The following CYP19A1 variants were observed in gnomAD, a reference collection of about 807,000 sequenced individuals.
CYP19A1 encodes the protein aromatase.
A neutral mutation model predicts 44.4 loss-of-function variants in CYP19A1; 32 were observed. The ratio of observed to expected loss-of-function variants is 0.72; its 90% CI spans 0.54 to 0.97. The LOEUF (loss-of-function observed/expected upper bound fraction) is 0.97. Ranked by LOEUF, CYP19A1 falls within the 50% of genes least tolerant of loss-of-function variation. The probability of loss-of-function intolerance (pLI) is 0.00; values close to 1 mark genes in which losing one functional copy is unlikely to be tolerated. For synonymous variants in CYP19A1, 212 were observed against 215.6 expected (o/e 0.98, Z 0.14); for missense variants, 598 against 637.8 (o/e 0.94, Z 0.67).
chr15:51,228,884 A>C (rs1402973880), intron 3 of CYP19A1, among the ~76,000 whole-genome samples: 1 of 152,158 alleles, frequency 6.6e-6, no homozygotes, highest in Non-Finnish European at 1.5e-5. Context: ...CCCACTATGG[A>C]GGTTTTCAGA....
At chr15:51,254,563 C>A (rs2034445524) in intron 1 of CYP19A1, among the ~76,000 whole-genome samples, 1 of 151,874 alleles carries the variant, frequency 6.6e-6, no homozygotes, top group Non-Finnish European at 1.5e-5. Flanking sequence ...ATGGATCCAT[C>A]CTTCATATTT....
At chr15:51,317,725 G>A (rs1009543515) in intron 1 of CYP19A1, among the ~76,000 whole-genome samples, 2 of 152,184 alleles carry the variant, frequency 1.3e-5, no homozygotes, top group Non-Finnish European at 2.9e-5. Flanking sequence ...TTGAATGCCA[G>A]GCTAATGAGG....
rs1004385405 is a variant in CYP19A1, at chr15:51,286,035, C to G, written c.-38-43085G>C. ...TCTGCGTCTCCACATGCATACCCAC[C>G]AGTTCTCCAATAACCACCTAAAGGG... On this transcript the variant is annotated intron_variant, in intron 1 of 9. Coordinates refer to ENST00000396402, the MANE Select transcript of CYP19A1 (RefSeq NM_000103.4). Among the ~76,000 whole-genome samples the G allele has an allele frequency of 3.3e-5, 5 of 152,274 alleles. No individual in the cohort carries two copies. The East Asian group carries it at 9.6e-4, about 29-fold the overall frequency.
rs77578670 is a variant in CYP19A1 at position 51,330,260 on chromosome 15, C to T, written c.-39+8235G>A. Among the ~76,000 whole-genome samples, 2,302 of 152,084 alleles carry T rather than the reference C, an allele frequency of 0.015. 196 individuals carry two copies. The East Asian group carries it at 0.25, about 17-fold the overall frequency. On this transcript the variant is annotated intron_variant, in intron 1 of 9. Transcript: ENST00000396402. ...GAGTCTGGGCTCACAAACTAGCAGA[C>T]TGGGAGTAGAAGGTGCACTTGGAGA...
At chr15:51,243,086 T>A in intron 1 of CYP19A1, 136 bp from the exon 2 acceptor site, 1 of 674,678 alleles carries the variant, frequency 1.5e-6, no homozygotes, top group Non-Finnish European at 2.7e-6. Context: ...TAGGCAAGAC[T>A]AATTTATGGT....
chr15:51,272,431 C>G (rs773392604), intron 1 of CYP19A1, among the ~76,000 whole-genome samples: 1 of 152,144 alleles, frequency 6.6e-6, no homozygotes, highest in Non-Finnish European at 1.5e-5. Flanking sequence ...ATAAAATATA[C>G]ATTTTATAAA....
chr15:51,306,543 C>T (rs943746111), intron 1 of CYP19A1, among the ~76,000 whole-genome samples: 1 of 151,818 alleles, frequency 6.6e-6, no homozygotes, highest in Non-Finnish European at 1.5e-5. Flanking sequence ...TAAAAAAAAC[C>T]CTTTATCTCC....
intron 1 of CYP19A1, among the ~76,000 whole-genome samples, chr15:51,252,019 C>T (rs1187651306): frequency 1.3e-5 from 2 of 152,204 alleles, no homozygotes; most frequent in African/African-American, 4.8e-5. Flanking sequence ...CCTCCCCAGC[C>T]CTTCCCTGTG....
In CYP19A1 at chr15:51,242,936, G is replaced by A; in HGVS notation, c.-24C>T. The A allele has an allele frequency of 6.3e-7, 1 of 1,576,418 alleles. No individual in the cohort carries two copies. Among genetic ancestry groups the A allele is most frequent in the African/African-American group, 1.3e-5 (1 of 74,240 alleles). ...ATCTTGTGTTCCTTGACCTCAGAGG[G>A]GGCAATTTAGAGTCCTGTGGAAATC... On this transcript the variant is annotated 5_prime_UTR_variant, in exon 2 of 10. Transcript: ENST00000396402.
intron 2 of CYP19A1, among the ~76,000 whole-genome samples, chr15:51,241,240 G>A (rs1002965397): frequency 6.6e-5 from 10 of 152,210 alleles, no homozygotes; most frequent in African/African-American, 2.4e-5. Flanking sequence ...AGGGTCCAAG[G>A]AAATTCCACC....
chr15:51,224,574 A>G (rs753254475), intron 4 of CYP19A1, among the ~76,000 whole-genome samples: 14 of 152,126 alleles, frequency 9.2e-5, no homozygotes, highest in Non-Finnish European at 1.8e-4. Flanking sequence ...CCCTTTTGAC[A>G]TTTCTTGAAA....
intron 3 of CYP19A1, among the ~76,000 whole-genome samples, chr15:51,232,596 C>T (rs1315726618): frequency 3.9e-5 from 6 of 152,174 alleles, no homozygotes; most frequent in South Asian, 2.1e-4. Context: ...TCTCAGGACA[C>T]GATGTCCCCA....
intron 1 of CYP19A1, among the ~76,000 whole-genome samples, chr15:51,263,966 A>G (rs2034823967): frequency 6.6e-6 from 1 of 152,218 alleles, no homozygotes; most frequent in South Asian, 2.1e-4. Flanking sequence ...AACAGGCATG[A>G]GTAAATCTGG....
intron 5 of CYP19A1, chr15:51,221,839 C>A: frequency 1.2e-5 from 2 of 167,528 alleles, no homozygotes; most frequent in South Asian, 1.6e-4. Flanking sequence ...ACGTTAATGG[C>A]AGCTAATATC....
At position 51,246,536 on chromosome 15, in the gene CYP19A1, G is replaced by A. The variant is rs531818668; in HGVS notation, c.-38-3586C>T. Among the ~76,000 whole-genome samples, 10 of 151,754 alleles carry A rather than the reference G, an allele frequency of 6.6e-5. No individual in the cohort carries two copies. In the South Asian group the frequency reaches 1.9e-3, roughly 28 times the overall value. ...CCCACCAACCTCTGCGTAAGAAAAC[G>A]CGAGTCCTACACCCAAAGTCCTCAG... On this transcript the variant is annotated intron_variant, in intron 1 of 9. Transcript: ENST00000396402.
intron 1 of CYP19A1, among the ~76,000 whole-genome samples, chr15:51,329,123 T>C (rs188025943): frequency 6.6e-6 from 1 of 152,156 alleles, no homozygotes; most frequent in Non-Finnish European, 1.5e-5. Context: ...TGGTTCTGCT[T>C]CTCTGAAAAA....
intron 1 of CYP19A1, among the ~76,000 whole-genome samples, chr15:51,284,044 A>G (rs1174520234): frequency 6.6e-6 from 1 of 152,218 alleles, no homozygotes; most frequent in African/African-American, 2.4e-5. Flanking sequence ...GCATACAGGA[A>G]TAATTGACTC....
At chr15:51,235,944 A>C (rs1004743992) in intron 3 of CYP19A1, among the ~76,000 whole-genome samples, 1 of 152,242 alleles carries the variant, frequency 6.6e-6, no homozygotes. Flanking sequence ...AGCTGGCTGA[A>C]AGTCTAGGGA....
intron 1 of CYP19A1, among the ~76,000 whole-genome samples, chr15:51,293,191 A>C (rs1388823631): frequency 6.6e-6 from 1 of 152,130 alleles, no homozygotes; most frequent in Admixed American, 6.5e-5. Context: ...GTGCGCCAAA[A>C]TATCAGAAAT....
Sources: allele counts gnomAD v4.1 joint callset (sites outside exome capture counted in the v4.1 genomes callset), GRCh38; gene constraint gnomAD v4.1.1; transcripts MANE v1.5; gene names NCBI Gene and HGNC (gene_info 2026-07-23, HGNC 2026-07-21).